MRPS30: variants seen among roughly 807,000 people sequenced by gnomAD.
The protein encoded by MRPS30 is large ribosomal subunit protein mL65.
Under a neutral mutation model 43.8 loss-of-function variants are expected in MRPS30, and 42 were observed. The observed-to-expected ratio is 0.96, with a 90% confidence interval of 0.75 to 1.24. The LOEUF (loss-of-function observed/expected upper bound fraction) is 1.24, where lower values mean the gene tolerates loss of function less well. Ranked by LOEUF, MRPS30 falls within the 50% of genes most tolerant of loss-of-function variation. The pLI is 0.00. For missense variants in MRPS30, 638 were observed against 570.0 expected (o/e 1.12, Z -1.22); for synonymous variants, 273 against 228.2 (o/e 1.20, Z -1.77).
intron 4 of MRPS30, 196 bp downstream of exon 4, chr5:44,813,478 GTT>G (rs1461727278): frequency 1.4e-5 from 6 of 442,328 alleles, no homozygotes; most frequent in Non-Finnish European, 1.9e-5. Flanking sequence ...TGAGGTAGTT[GTT>G]TTTGTCTTTT....
intron 4 of MRPS30, among the ~76,000 whole-genome samples, chr5:44,814,592 T>C (rs1049989843): frequency 1.3e-5 from 2 of 152,198 alleles, no homozygotes; most frequent in African/African-American, 4.8e-5. Flanking sequence ...GGTAATTGGG[T>C]AATGACATAG....
rs1450427374 is a variant in MRPS30 at position 44,811,173 on chromosome 5, T to G, written c.747+19T>G. 6 of 1,612,092 alleles carry G rather than the reference T, an allele frequency of 3.7e-6. No individual in the cohort carries two copies. In the South Asian group the frequency reaches 4.4e-5, roughly 12 times the overall value. ...CGCAGAGGTAAGGATTTATTGCGAT[T>G]ATGTATCTATTGATATCTCGTGTAG... On this transcript the variant is annotated intron_variant, in intron 2 of 4. Coordinates refer to ENST00000507110, the MANE Select transcript of MRPS30 (RefSeq NM_016640.4).
At chr5:44,809,799 G>A in intron 1 of MRPS30, 1 of 518,498 alleles carries the variant, frequency 1.9e-6, no homozygotes, top group Non-Finnish European at 3.4e-6. Context: ...GAAAGCCTGA[G>A]CTCTCCAGGA....
At chr5:44,809,728 G>A in intron 1 of MRPS30, 165 bp downstream of exon 1, 1 of 726,322 alleles carries the variant, frequency 1.4e-6, no homozygotes, top group South Asian at 1.9e-5. Context: ...CAGTCACTGC[G>A]TTAGGAATCT....
At chr5:44,809,718 C>A in intron 1 of MRPS30, 155 bp downstream of exon 1, 1 of 796,190 alleles carries the variant, frequency 1.3e-6, no homozygotes, top group Non-Finnish European at 1.9e-6. Context: ...GGTTTTGTAA[C>A]AGTCACTGCG....
At chr5:44,811,871 C>A in intron 2 of MRPS30, 44 bp from the exon 3 acceptor site, 1 of 1,190,178 alleles carries the variant, frequency 8.4e-7, no homozygotes, top group Non-Finnish European at 1.2e-6. Flanking sequence ...AAAATACATA[C>A]TAATGTTGCT....
Position 44,811,989 on chromosome 5 carries a change from C to T in MRPS30, c.822C>T (p.Phe274=). The T allele has an allele frequency of 1.2e-6, 2 of 1,600,854 alleles. No individual in the cohort carries two copies. Among genetic ancestry groups the T allele is most frequent in the Non-Finnish European group, 1.7e-6 (2 of 1,171,526 alleles). The change falls in exon 3 of 5, where the codon TTC becomes TTT. Residue 274 remains phenylalanine, a synonymous_variant. Coordinates refer to ENST00000507110, the MANE Select transcript of MRPS30 (RefSeq NM_016640.4). ...IKCKPDKLPL[F]KRQYENHIFV... is the part of the protein sequence containing the mutation. ...GTAAACCAGACAAACTTCCATTATT[C>T]AAACGGCAGTATGAAAACCACATAT... is the stretch of plus-strand genomic sequence containing the variant.
rs745965925 is a variant in MRPS30, at chr5:44,815,247, TGAAG to T, written c.*49_*52del. 1.6e-5 allele frequency: 24 copies of T among 1,459,616 alleles called. No individual in the cohort carries two copies. The highest frequency in any genetic ancestry group is 2.1e-5 in the Non-Finnish European group (23 of 1,092,234). 90.4% of individuals were successfully genotyped at this position (1,459,616 alleles called of 1,614,324 possible). A position where few individuals can be genotyped will look rare whatever the true frequency, so the allele number is the denominator to read the frequency against. ...AACTGTGGGAATATTTAAATTTTAC[TGAAG>T]GAACAATAATGATGAGATTTGTAAC... On this transcript the variant is annotated 3_prime_UTR_variant, in exon 5 of 5. Transcript: ENST00000507110.
chr5:44,814,129 G>T (rs1742884843), intron 4 of MRPS30, among the ~76,000 whole-genome samples: 1 of 152,176 alleles, frequency 6.6e-6, no homozygotes, highest in Non-Finnish European at 1.5e-5. Context: ...CAAGGAGAAT[G>T]ATGTAGAAGG....
chr5:44,809,262 G>A lies in MRPS30; in HGVS notation c.300G>A (p.Leu100=). ...KYMVYPQTFA[L]NADRWYQYFT... is the part of the protein sequence containing the mutation. The stretch of plus-strand genomic sequence containing the variant: ...TGGTTTACCCGCAGACCTTCGCGCT[G>A]AATGCCGACCGCTGGTACCAGTACT... Residue 100 remains leucine, a synonymous_variant, in exon 1 of 5, where the codon CTG becomes CTA. Transcript: ENST00000507110. The A allele has an allele frequency of 6.2e-7, 1 of 1,613,552 alleles. No individual in the cohort carries two copies.
At chr5:44,812,502 A>G (rs1253779221) in intron 3 of MRPS30, among the ~76,000 whole-genome samples, 1 of 152,106 alleles carries the variant, frequency 6.6e-6, no homozygotes, top group East Asian at 1.9e-4. Flanking sequence ...AGTCTTAAGA[A>G]GGTTTTATAC....
chr5:44,809,252 C>T lies in MRPS30; in HGVS notation c.290C>T (p.Thr97Ile), dbSNP rs1742778046. Reference protein sequence around the residue: ...QFMKYMVYPQTFALNADRWYQ... With the variant: ...QFMKYMVYPQIFALNADRWYQ... The stretch of plus-strand genomic sequence containing the variant: ...ATGAAGTACATGGTTTACCCGCAGA[C>T]CTTCGCGCTGAATGCCGACCGCTGG... Residue 97 changes from threonine (T) to isoleucine (I), a missense_variant, in exon 1 of 5, where the codon ACC becomes ATC. Transcript: ENST00000507110. 1.2e-6 allele frequency: 2 copies of T among 1,613,554 alleles called. No individual in the cohort carries two copies. Among genetic ancestry groups the T allele is most frequent in the Non-Finnish European group, 1.7e-6 (2 of 1,179,920 alleles).
chr5:44,809,003 C>A lies in MRPS30; in HGVS notation c.41C>A (p.Pro14Gln). ...ARCWRPLLRG[P>Q]RLSLHTAANA... is the part of the protein sequence containing the mutation. ...TGTTGGAGGCCTTTGCTACGCGGTCCGAGGCTTTCATTGCACACCGCGGCT... is the reference window on the plus strand; with the variant it reads ...TGTTGGAGGCCTTTGCTACGCGGTCAGAGGCTTTCATTGCACACCGCGGCT... The change falls in exon 1 of 5, where the codon CCG becomes CAG. Residue 14 changes from proline (P) to glutamine (Q), a missense_variant. Pro to Gln is a moderately conservative substitution (Grantham distance 76). Transcript: ENST00000507110. The A allele has an allele frequency of 6.2e-6, 10 of 1,609,248 alleles. No individual in the cohort carries two copies. Among genetic ancestry groups the A allele is most frequent in the Non-Finnish European group, 8.5e-6 (10 of 1,178,418 alleles).
intron 1 of MRPS30, among the ~76,000 whole-genome samples, chr5:44,810,568 CG>C (rs1742823090): frequency 6.6e-6 from 1 of 152,114 alleles, no homozygotes; most frequent in Non-Finnish European, 1.5e-5. Context: ...TTGAGGAAAG[CG>C]TCATGGACTT....
At position 44,815,273 on chromosome 5, in the gene MRPS30, TAACTGTC is replaced by T; in HGVS notation, c.*76_*82del. ...GAAGGAACAATAATGATGAGATTTG[TAACTGTC>T]AACTATTAAATACATTGATTTTTGA... is the stretch of plus-strand genomic sequence containing the variant. On this transcript the variant is annotated 3_prime_UTR_variant, in exon 5 of 5. Transcript: ENST00000507110. 7.5e-7 allele frequency: 1 copy of T among 1,339,604 alleles called. No homozygotes were observed. The highest frequency in any genetic ancestry group is 1.0e-6 in the Non-Finnish European group (1 of 992,414). 83.0% of individuals were successfully genotyped at this position (1,339,604 alleles called of 1,614,324 possible).
At position 44,813,446 on chromosome 5, in the gene MRPS30, C is replaced by G. The variant is rs888298256; in HGVS notation, c.1030+164C>G. On this transcript the variant is annotated intron_variant, in intron 4 of 4. Transcript: ENST00000507110. ...TTGTTTTAAAATCCTCGTTTAAATA[C>G]TATACATTTGAAATCTGACACTGAG... The G allele has an allele frequency of 1.3e-5, 7 of 547,060 alleles. No individual in the cohort carries two copies. In the South Asian group the frequency reaches 2.3e-4, roughly 18 times the overall value. The allele number at this position is 547,060 out of a possible 1,614,324, so 33.9% of individuals were successfully genotyped here.
At chr5:44,810,004 C>CT (rs1448113551) in intron 1 of MRPS30, 1 of 161,136 alleles carries the variant, frequency 6.2e-6, no homozygotes, top group Admixed American at 6.4e-5. Flanking sequence ...TATGTCTTTT[C>CT]TTTTTCTTTA....
chr5:44,809,578 C>G lies in MRPS30; in HGVS notation c.601+15C>G, dbSNP rs1480380782. The stretch of plus-strand genomic sequence containing the variant: ...TGCCGCCCTCGGTGAGCCTTGGATT[C>G]CGCCCCAGGGCGGAAGGGAGAGATG... On this transcript the variant is annotated intron_variant, in intron 1 of 4. Transcript: ENST00000507110. 1 of 1,574,518 alleles carries G rather than the reference C, an allele frequency of 6.4e-7. No individual in the cohort carries two copies. The highest frequency in any genetic ancestry group is 2.2e-5 in the East Asian group (1 of 44,552).
In MRPS30 at chr5:44,809,588, G is replaced by A. The variant is rs1742794114; in HGVS notation, c.601+25G>A. Reference sequence around the variant, plus strand: ...GGTGAGCCTTGGATTCCGCCCCAGGGCGGAAGGGAGAGATGGGGATTGTAC... The same window carrying A: ...GGTGAGCCTTGGATTCCGCCCCAGGACGGAAGGGAGAGATGGGGATTGTAC... On this transcript the variant is annotated intron_variant, in intron 1 of 4. Coordinates refer to ENST00000507110, the MANE Select transcript of MRPS30 (RefSeq NM_016640.4). 4.5e-6 allele frequency: 7 copies of A among 1,556,784 alleles called. No homozygotes were observed. The East Asian group carries it at 1.6e-4, about 35-fold the overall frequency.
Sources: gnomAD v4.1 joint callset for allele counts (sites outside exome capture counted in the v4.1 genomes callset) on GRCh38, gnomAD v4.1.1 for gene constraint, MANE v1.5 for transcripts, NCBI Gene and HGNC (gene_info 2026-07-23, HGNC 2026-07-21) for gene names.